WDR73: variants seen among roughly 807,000 people sequenced by gnomAD.
WDR73 encodes WD repeat domain 73.
A neutral mutation model predicts 38.2 loss-of-function variants in WDR73; 30 were observed. The observed-to-expected ratio is 0.79, with a 90% CI of 0.59 to 1.06. WDR73 has a LOEUF of 1.06. WDR73 is among the 50% of genes least tolerant of loss of function. The pLI is 0.00. For synonymous variants in WDR73, 197 were observed against 176.0 expected (o/e 1.12, Z -0.94); for missense variants, 487 against 467.0 (o/e 1.04, Z -0.40).
Position 84,643,358 on chromosome 15 carries a change from A to G in WDR73, c.*112T>C. The G allele has an allele frequency of 7.3e-7, 1 of 1,367,064 alleles. No individual in the cohort carries two copies. Among genetic ancestry groups the G allele is most frequent in the South Asian group, 1.5e-5 (1 of 67,656 alleles). The allele number at this position is 1,367,064 out of a possible 1,614,324, so 84.7% of individuals were successfully genotyped here. On this transcript the variant is annotated 3_prime_UTR_variant, in exon 8 of 8. Transcript: ENST00000434634. Reference sequence around the variant, plus strand: ...TAAGTGACGCTGGCAGACTTGCCCAAGGCCACACAGCTGGTAACAGGGACT... The same window carrying G: ...TAAGTGACGCTGGCAGACTTGCCCAGGGCCACACAGCTGGTAACAGGGACT...
chr15:84,651,953 C>T (rs1052663342), intron 3 of WDR73, among the ~76,000 whole-genome samples: 2 of 152,218 alleles, frequency 1.3e-5, no homozygotes, highest in African/African-American at 2.4e-5. Context: ...CTACAACCTC[C>T]GCCTCCCGGG....
chr15:84,646,683 C>G, intron 5 of WDR73: 1 of 225,970 alleles, frequency 4.4e-6, no homozygotes, highest in Non-Finnish European at 8.9e-6. Context: ...CTGCTGATGT[C>G]ACTTACCCCT....
rs961774483 is a variant in WDR73 at position 84,639,404 on chromosome 15, A to G, written c.*4066T>C. ...ACTGAGCTTTCCCAAGAATCCCCCC[A>G]GAATTAAAAAAAAAAAATTACTATC... On this transcript the variant is annotated 3_prime_UTR_variant, in exon 8 of 8. Transcript: ENST00000434634. 18 of 151,938 alleles carry G rather than the reference A, an allele frequency of 1.2e-4. No individual in the cohort carries two copies. Among genetic ancestry groups the G allele is most frequent in the African/African-American group, 4.4e-4 (18 of 41,378 alleles). 9.4% of individuals were successfully genotyped at this position (151,938 alleles called of 1,614,324 possible). A position where few individuals can be genotyped will look rare whatever the true frequency, so the allele number is the denominator to read the frequency against.
intron 3 of WDR73, among the ~76,000 whole-genome samples, chr15:84,649,737 TG>T (rs1896568028): frequency 6.6e-6 from 1 of 152,100 alleles, no homozygotes; most frequent in African/African-American, 2.4e-5. Flanking sequence ...CCCAAAGTGC[TG>T]GGATTACAGA....
chr15:84,643,424 A>G lies in WDR73; in HGVS notation c.*46T>C, dbSNP rs752741517. The G allele has an allele frequency of 3.6e-5, 55 of 1,542,082 alleles. No individual in the cohort carries two copies. Among genetic ancestry groups the G allele is most frequent in the Non-Finnish European group, 4.1e-5 (47 of 1,142,236 alleles). On this transcript the variant is annotated 3_prime_UTR_variant, in exon 8 of 8. Coordinates refer to ENST00000434634, the MANE Select transcript of WDR73 (RefSeq NM_032856.5). ...CCTACATGAGCACCCTTGCTACTACAGCAGCTCCTCCCCTTTCTAGAGGCC... is the reference window on the plus strand; with the variant it reads ...CCTACATGAGCACCCTTGCTACTACGGCAGCTCCTCCCCTTTCTAGAGGCC...
intron 1 of WDR73, 109 bp from the exon 2 acceptor site, chr15:84,653,808 C>A: frequency 1.2e-6 from 1 of 846,238 alleles, no homozygotes; most frequent in Non-Finnish European, 2.0e-6. Context: ...GTCAGGCAGA[C>A]GTGGGACTGA....
chr15:84,643,834 C>CAACA, intron 7 of WDR73, 111 bp from the exon 8 acceptor site: 3 of 1,283,994 alleles, frequency 2.3e-6, no homozygotes, highest in Non-Finnish European at 3.1e-6. Flanking sequence ...CCAGGATGGT[C>CAACA]TTGAACTCCT....
intron 7 of WDR73, chr15:84,643,988 G>A (rs542542342): frequency 4.0e-4 from 142 of 355,072 alleles, no homozygotes; most frequent in African/African-American, 1.8e-3. Flanking sequence ...GGCTAACCAC[G>A]GGCAAGTAGC....
chr15:84,644,939 C>CT (rs66834221), intron 7 of WDR73: 184 of 139,256 alleles, frequency 1.3e-3, no homozygotes, highest in Admixed American at 2.7e-3. Context: ...GTCCCTGCTG[C>CT]TTTTTTTTTT....
In WDR73 at chr15:84,643,135, A is replaced by G. The variant is rs1380456780; in HGVS notation, c.*335T>C. ...TACATTTTTTTCTTTAAAAAAATTCACAAAGCATGTTTATATTTGTTAGCT... is the reference window on the plus strand; with the variant it reads ...TACATTTTTTTCTTTAAAAAAATTCGCAAAGCATGTTTATATTTGTTAGCT... On this transcript the variant is annotated 3_prime_UTR_variant, in exon 8 of 8. Coordinates refer to ENST00000434634, the MANE Select transcript of WDR73 (RefSeq NM_032856.5). 3 of 216,760 alleles carry G rather than the reference A, an allele frequency of 1.4e-5. No homozygotes were observed. Among genetic ancestry groups the G allele is most frequent in the Non-Finnish European group, 2.7e-5 (3 of 109,876 alleles). 13.4% of individuals were successfully genotyped at this position (216,760 alleles called of 1,614,324 possible).
Position 84,653,618 on chromosome 15 carries a change from G to A in WDR73, c.109+14C>T. The A allele has an allele frequency of 6.4e-7, 1 of 1,572,800 alleles. No homozygotes were observed. The highest frequency in any genetic ancestry group is 8.7e-7 in the Non-Finnish European group (1 of 1,155,610). ...TGAGATTCCCTCTCCTTCAGGGCTA[G>A]AAAGGTATACCACCTTTGTCATCAA... On this transcript the variant is annotated intron_variant, in intron 2 of 7. Transcript: ENST00000434634.
rs1292559566 is a variant in WDR73 at position 84,640,058 on chromosome 15, G to T, written c.*3412C>A. 6.6e-6 allele frequency: 1 copy of T among 152,204 alleles called. No individual in the cohort carries two copies. The highest frequency in any genetic ancestry group is 1.9e-4 in the East Asian group (1 of 5,206). 9.4% of individuals were successfully genotyped at this position (152,204 alleles called of 1,614,324 possible). On this transcript the variant is annotated 3_prime_UTR_variant, in exon 8 of 8. Transcript: ENST00000434634. ...TTTGGGATTGAGAGGATTCCAAAGGGAACCAGGGCATAGCACTAGAAGATG... is the reference window on the plus strand; with the variant it reads ...TTTGGGATTGAGAGGATTCCAAAGGTAACCAGGGCATAGCACTAGAAGATG...
rs890678410 is a variant in WDR73 at position 84,641,516 on chromosome 15, T to A, written c.*1954A>T. Reference sequence around the variant, plus strand: ...ATTATGAGTGTTTATGATTTTATCTTTATTTTATTTTTTTTGAGATGGAGT... The same window carrying A: ...ATTATGAGTGTTTATGATTTTATCTATATTTTATTTTTTTTGAGATGGAGT... On this transcript the variant is annotated 3_prime_UTR_variant, in exon 8 of 8. Coordinates refer to ENST00000434634, the MANE Select transcript of WDR73 (RefSeq NM_032856.5). 1 of 151,918 alleles carries A rather than the reference T, an allele frequency of 6.6e-6. No homozygotes were observed. The highest frequency in any genetic ancestry group is 1.5e-5 in the Non-Finnish European group (1 of 67,968). 9.4% of individuals were successfully genotyped at this position (151,918 alleles called of 1,614,324 possible).
At position 84,643,412 on chromosome 15, in the gene WDR73, C is replaced by A; in HGVS notation, c.*58G>T. ...AGTCACTTGAGTCCTACATGAGCAC[C>A]CTTGCTACTACAGCAGCTCCTCCCC... On this transcript the variant is annotated 3_prime_UTR_variant, in exon 8 of 8. Transcript: ENST00000434634. The A allele has an allele frequency of 6.5e-7, 1 of 1,532,606 alleles. No individual in the cohort carries two copies. The highest frequency in any genetic ancestry group is 1.2e-5 in the South Asian group (1 of 80,866). The allele number at this position is 1,532,606 out of a possible 1,614,324, so 94.9% of individuals were successfully genotyped here. A position where few individuals can be genotyped will look rare whatever the true frequency, so the allele number is the denominator to read the frequency against.
At chr15:84,646,785 C>T (rs1190020170) in intron 5 of WDR73, 2 of 174,486 alleles carry the variant, frequency 1.1e-5, no homozygotes, top group African/African-American at 2.4e-5. Flanking sequence ...TAAAGCCTAG[C>T]AAGTACAGGT....
At position 84,647,934 on chromosome 15, in the gene WDR73, AGG is replaced by A; in HGVS notation, c.306_307del (p.Leu103SerfsTer15). On this transcript the variant is annotated frameshift_variant, in exon 5 of 8. Coordinates refer to ENST00000434634, the MANE Select transcript of WDR73 (RefSeq NM_032856.5). LOFTEE classifies it high-confidence loss of function. The stretch of plus-strand genomic sequence containing the variant: ...CCACACCTGCAGATAACAACCTGGA[AGG>A]CCACTGGTAACCAGCAATCTATTCA... 2 of 1,614,042 alleles carry A rather than the reference AGG, an allele frequency of 1.2e-6. No homozygotes were observed. The highest frequency in any genetic ancestry group is 1.7e-6 in the Non-Finnish European group (2 of 1,179,900).
rs1896333306 is a variant in WDR73 at position 84,643,514 on chromosome 15, A to G, written c.1093T>C (p.Ser365Pro). Residue 365 changes from serine to proline, a missense_variant, in exon 8 of 8, where the codon TCT becomes CCT. Transcript: ENST00000434634. ...RTLLSATNDA[S>P]LHVWDWVDLC... is the part of the protein sequence containing the mutation. ...TCCACCCAGTCCCACACATGCAGAG[A>G]GGCATCATTTGTTGCTGATAACAAA... 2.5e-6 allele frequency: 4 copies of G among 1,583,498 alleles called. No homozygotes were observed. The highest frequency in any genetic ancestry group is 1.3e-5 in the African/African-American group (1 of 74,402).
intron 5 of WDR73, 92 bp from the exon 6 acceptor site, chr15:84,646,440 G>T (rs141019313): frequency 4.0e-6 from 6 of 1,501,820 alleles, no homozygotes; most frequent in Non-Finnish European, 4.4e-6. Context: ...ACATTTAGAA[G>T]ATCAAGGAAG....
At chr15:84,649,679 A>T (rs921527736) in intron 3 of WDR73, among the ~76,000 whole-genome samples, 5 of 152,128 alleles carry the variant, frequency 3.3e-5, no homozygotes, top group Non-Finnish European at 7.3e-5. Flanking sequence ...CATGTTGCCC[A>T]GGCTGGTCTC....
Sources: gnomAD v4.1 joint callset for allele counts (sites outside exome capture counted in the v4.1 genomes callset) on GRCh38, gnomAD v4.1.1 for gene constraint, MANE v1.5 for transcripts, NCBI Gene and HGNC (gene_info 2026-07-23, HGNC 2026-07-21) for gene names.